Variants in NXPH1 observed in about 807,000 individuals in gnomAD.
NXPH1 encodes neurexophilin-1.
Under a neutral mutation model 23.7 loss-of-function variants are expected in NXPH1, and 5 were observed. The ratio of observed to expected loss-of-function variants is 0.21; its 90% confidence interval spans 0.11 to 0.44. The LOEUF is 0.44. Ranked by LOEUF, NXPH1 falls within the 20% of genes least tolerant of loss-of-function variation. The probability of loss-of-function intolerance (pLI) is 0.99; values close to 1 mark genes in which losing one functional copy is unlikely to be tolerated. For synonymous variants in NXPH1, 144 were observed against 122.2 expected (o/e 1.18, Z -1.18); for missense variants, 324 against 321.6 (o/e 1.01, Z -0.06).
chr7:8,717,356 G>A (rs1779894387), intron 2 of NXPH1, among the ~76,000 whole-genome samples: 1 of 152,108 alleles, frequency 6.6e-6, no homozygotes, highest in African/African-American at 2.4e-5. Flanking sequence ...CCCCAAAGCA[G>A]AACAGTTCTG....
At chr7:8,583,758 A>C (rs1161724443) in intron 2 of NXPH1, among the ~76,000 whole-genome samples, 1 of 152,206 alleles carries the variant, frequency 6.6e-6, no homozygotes. Flanking sequence ...GAGAACTGAC[A>C]AAGGTGAGAG....
At chr7:8,561,994 TGA>T (rs1316398772) in intron 2 of NXPH1, among the ~76,000 whole-genome samples, 1 of 151,734 alleles carries the variant, frequency 6.6e-6, no homozygotes, top group Non-Finnish European at 1.5e-5. Context: ...AGCATCCAAA[TGA>T]GAGTTACAGA....
Position 8,672,878 on chromosome 7 carries a change from C to T in NXPH1, c.55-78130C>T, listed in dbSNP as rs996410528. On this transcript the variant is annotated intron_variant, in intron 2 of 2. Transcript: ENST00000405863. The stretch of plus-strand genomic sequence containing the variant: ...TTGGCCTGAGCATCTGTTCTTTCCC[C>T]TGTGTGCTGCTAAGGGAAGAGGCAA... Among the ~76,000 whole-genome samples, 2 of 152,266 alleles carry T rather than the reference C, an allele frequency of 1.3e-5. 1 individual carries two copies. Among genetic ancestry groups the T allele is most frequent in the South Asian group, 4.1e-4 (2 of 4,830 alleles).
At chr7:8,478,198 T>C (rs1817009388) in intron 2 of NXPH1, among the ~76,000 whole-genome samples, 1 of 152,072 alleles carries the variant, frequency 6.6e-6, no homozygotes, top group African/African-American at 2.4e-5. Context: ...CAGAAAAACA[T>C]GGTGTAGGTT....
At chr7:8,658,698 A>G (rs1820619505) in intron 2 of NXPH1, among the ~76,000 whole-genome samples, 1 of 152,198 alleles carries the variant, frequency 6.6e-6, no homozygotes, top group South Asian at 2.1e-4. Context: ...ATGTAGCACT[A>G]TGTGTATTAT....
chr7:8,520,208 G>A (rs1035314777), intron 2 of NXPH1, among the ~76,000 whole-genome samples: 1 of 152,088 alleles, frequency 6.6e-6, no homozygotes, highest in Non-Finnish European at 1.5e-5. Context: ...ATCCATTGCC[G>A]CTATCCATCC....
intron 2 of NXPH1, among the ~76,000 whole-genome samples, chr7:8,580,857 T>C (rs145812351): frequency 2.6e-5 from 4 of 152,160 alleles, no homozygotes; most frequent in South Asian, 2.1e-4. Flanking sequence ...ATCAGTGAAA[T>C]ATTTTAACAT....
At chr7:8,646,075 A>C (rs1820395455) in intron 2 of NXPH1, among the ~76,000 whole-genome samples, 1 of 152,130 alleles carries the variant, frequency 6.6e-6, no homozygotes, top group Admixed American at 6.5e-5. Flanking sequence ...AATTTTGAAA[A>C]ATTGACATCT....
intron 2 of NXPH1, among the ~76,000 whole-genome samples, chr7:8,578,412 A>C (rs2128623234): frequency 6.6e-6 from 1 of 152,314 alleles, no homozygotes; most frequent in East Asian, 1.9e-4. Context: ...AACAATAATA[A>C]AGTTCAACTA....
At chr7:8,592,892 A>G (rs1178854297) in intron 2 of NXPH1, among the ~76,000 whole-genome samples, 1 of 151,262 alleles carries the variant, frequency 6.6e-6, no homozygotes, top group African/African-American at 2.4e-5. Context: ...CTCACAGGTC[A>G]TACAAAAACA....
chr7:8,749,609 G>T (rs1780531043), intron 2 of NXPH1, among the ~76,000 whole-genome samples: 1 of 152,170 alleles, frequency 6.6e-6, no homozygotes, highest in African/African-American at 2.4e-5. Flanking sequence ...AGAACAGTGT[G>T]GAAGGAGACT....
At chr7:8,735,770 C>CT (rs1192879261) in intron 2 of NXPH1, among the ~76,000 whole-genome samples, 3 of 151,920 alleles carry the variant, frequency 2.0e-5, no homozygotes, top group African/African-American at 4.8e-5. Context: ...TGGTTCTGGG[C>CT]TTTTTTTGGT....
chr7:8,608,535 G>A (rs2128628994), intron 2 of NXPH1, among the ~76,000 whole-genome samples: 1 of 152,116 alleles, frequency 6.6e-6, no homozygotes, highest in African/African-American at 2.4e-5. Flanking sequence ...TAAGAATGGA[G>A]GTAGTGGCAG....
At chr7:8,620,287 C>A (rs996278489) in intron 2 of NXPH1, among the ~76,000 whole-genome samples, 9 of 152,176 alleles carry the variant, frequency 5.9e-5, no homozygotes, top group African/African-American at 2.2e-4. Context: ...CATTCATCCA[C>A]CTCTGATACT....
chr7:8,571,017 CTATCTAATCTAATCT>C, intron 2 of NXPH1, among the ~76,000 whole-genome samples: 1 of 120,258 alleles, frequency 8.3e-6, no homozygotes, highest in African/African-American at 3.2e-5. Flanking sequence ...ATCTGTCTGT[CTATCTAATCTAATCT>C]AATCTAATCT....
chr7:8,527,201 A>G (rs1440629292), intron 2 of NXPH1, among the ~76,000 whole-genome samples: 1 of 152,128 alleles, frequency 6.6e-6, no homozygotes, highest in Non-Finnish European at 1.5e-5. Flanking sequence ...GCCGCTTCCT[A>G]TTATGTGGAG....
At chr7:8,671,250 A>G (rs1408758636) in intron 2 of NXPH1, among the ~76,000 whole-genome samples, 2 of 152,358 alleles carry the variant, frequency 1.3e-5, no homozygotes, top group African/African-American at 4.8e-5. Context: ...GGAAAATACT[A>G]TCATGTTAAG....
chr7:8,585,693 A>G (rs762752395), intron 2 of NXPH1, among the ~76,000 whole-genome samples: 7 of 152,204 alleles, frequency 4.6e-5, no homozygotes, highest in Non-Finnish European at 7.3e-5. Context: ...TTTGTGTATT[A>G]AAATAAAAAA....
chr7:8,642,964 A>C (rs1820342154), intron 2 of NXPH1, among the ~76,000 whole-genome samples: 1 of 152,018 alleles, frequency 6.6e-6, no homozygotes, highest in Non-Finnish European at 1.5e-5. Flanking sequence ...TCCTGGGTTC[A>C]AGCGATTCTC....
Sources: gnomAD v4.1 joint callset for allele counts (sites outside exome capture counted in the v4.1 genomes callset) on GRCh38, gnomAD v4.1.1 for gene constraint, MANE v1.5 for transcripts, NCBI Gene and HGNC (gene_info 2026-07-23, HGNC 2026-07-21) for gene names.